The following LAMA2 variants were observed in gnomAD, a reference collection of about 807,000 sequenced individuals.
LAMA2 encodes the protein laminin subunit alpha-2.
LAMA2 carries 269 observed loss-of-function variants against 364.8 expected under a neutral mutation model. The ratio of observed to expected loss-of-function variants is 0.74; its 90% CI spans 0.67 to 0.82. The LOEUF (loss-of-function observed/expected upper bound fraction) is 0.82. LAMA2 is among the 40% of genes least tolerant of loss of function. LAMA2 has a pLI of 0.00. For synonymous variants in LAMA2, 1,379 were observed against 1,370.6 expected (o/e 1.01, Z -0.14); for missense variants, 3,807 against 3,873.2 (o/e 0.98, Z 0.45).
intron 61 of LAMA2, among the ~76,000 whole-genome samples, chr6:129,506,672 A>G (rs1456282058): frequency 1.3e-5 from 2 of 152,146 alleles, no homozygotes; most frequent in African/African-American, 2.4e-5. Flanking sequence ...AACACACTAG[A>G]TACAAATGTG....
intron 2 of LAMA2, among the ~76,000 whole-genome samples, chr6:129,056,455 CATG>C (rs1404997305): frequency 2.6e-5 from 4 of 152,066 alleles, no homozygotes; most frequent in Admixed American, 1.3e-4. Flanking sequence ...GGACTGCTAA[CATG>C]ATGATTTGGT....
chr6:129,383,328 A>G (rs1778802075), intron 35 of LAMA2, 95 bp downstream of exon 35: 1 of 966,842 alleles, frequency 1.0e-6, no homozygotes, highest in Non-Finnish European at 1.6e-6. Flanking sequence ...GTTATAAGTG[A>G]CATCTGTAAA....
intron 4 of LAMA2, among the ~76,000 whole-genome samples, chr6:129,133,671 G>A (rs772305954): frequency 6.6e-6 from 1 of 152,150 alleles, no homozygotes; most frequent in African/African-American, 2.4e-5. Context: ...ACTCCTGTAT[G>A]CATTAGTATG....
At chr6:129,249,773 C>A (rs1157127049) in intron 12 of LAMA2, among the ~76,000 whole-genome samples, 1 of 152,120 alleles carries the variant, frequency 6.6e-6, no homozygotes, top group African/African-American at 2.4e-5. Context: ...AAAGATCGTT[C>A]TCTGTTTGGG....
At chr6:128,950,728 A>G (rs928266836) in intron 1 of LAMA2, among the ~76,000 whole-genome samples, 2 of 152,114 alleles carry the variant, frequency 1.3e-5, no homozygotes. Flanking sequence ...TGAGGATTAT[A>G]TATACATGTA....
chr6:129,291,269 AC>A (rs1365783526), intron 19 of LAMA2, among the ~76,000 whole-genome samples: 2 of 152,184 alleles, frequency 1.3e-5, no homozygotes, highest in African/African-American at 4.8e-5. Context: ...TTCTGGACTC[AC>A]CTATATGACA....
chr6:128,929,179 G>A, intron 1 of LAMA2: 1 of 1,473,832 alleles, frequency 6.8e-7, no homozygotes, highest in Non-Finnish European at 9.5e-7. Context: ...AATGAATGGG[G>A]ATAGTTACAG....
At position 129,391,600 on chromosome 6, in the gene LAMA2, A is replaced by C. The variant is rs1779325827; in HGVS notation, c.5181A>C (p.Glu1727Asp). 3.1e-6 allele frequency: 5 copies of C among 1,613,968 alleles called. No individual in the cohort carries two copies. Among genetic ancestry groups the C allele is most frequent in the African/African-American group, 2.7e-5 (2 of 75,056 alleles). Residue 1727 changes from glutamate to aspartate, a missense_variant, in exon 36 of 65, where the codon GAA becomes GAC. This residue lies in a region of LAMA2 where 3,333 missense variants were observed against 3,345.7 expected (regional missense o/e 1.00). Coordinates refer to ENST00000421865, the MANE Select transcript of LAMA2 (RefSeq NM_000426.4). ...AAGAGATTGACCAGATGATTAAAGA[A>C]CTGAGGAGGAAAAATCTAGAGACAC... Reference protein sequence around the residue: ...LQKEIDQMIKELRRKNLETQK... With the variant: ...LQKEIDQMIKDLRRKNLETQK...
intron 32 of LAMA2, among the ~76,000 whole-genome samples, chr6:129,356,271 A>C (rs1777148347): frequency 6.6e-6 from 1 of 152,116 alleles, no homozygotes; most frequent in Non-Finnish European, 1.5e-5. Flanking sequence ...AGTGACCTAA[A>C]TTCAGCCCCA....
chr6:128,977,129 A>G (rs1782576749), intron 1 of LAMA2, among the ~76,000 whole-genome samples: 1 of 16,982 alleles, frequency 5.9e-5, no homozygotes, highest in Non-Finnish European at 1.6e-4. Flanking sequence ...ATCAATTTTC[A>G]GCCTCTCTTT....
chr6:128,905,055 A>G (rs190559005), intron 1 of LAMA2, among the ~76,000 whole-genome samples: 120 of 152,360 alleles, frequency 7.9e-4, no homozygotes, highest in South Asian at 1.4e-3. Flanking sequence ...GTTGACCAGT[A>G]CTTATATGAT....
intron 42 of LAMA2, 63 bp downstream of exon 42, chr6:129,438,825 C>T: frequency 1.2e-6 from 1 of 854,126 alleles, no homozygotes; most frequent in South Asian, 1.3e-5. Context: ...CTGTTGTTAA[C>T]TTTTACCATT....
At chr6:129,038,823 A>G (rs576747326) in intron 1 of LAMA2, among the ~76,000 whole-genome samples, 33 of 152,326 alleles carry the variant, frequency 2.2e-4, no homozygotes, top group African/African-American at 7.5e-4. Context: ...TTACTCAAGA[A>G]AAGAAATGGA....
chr6:129,492,133 A>G (rs1167827484), intron 57 of LAMA2, 56 bp downstream of exon 57: 1 of 1,524,752 alleles, frequency 6.6e-7, no homozygotes. Context: ...TCTTGCTATT[A>G]GGGGTCCCAA....
intron 12 of LAMA2, among the ~76,000 whole-genome samples, chr6:129,240,836 A>G (rs914036368): frequency 6.6e-6 from 1 of 152,240 alleles, no homozygotes; most frequent in African/African-American, 2.4e-5. Context: ...AGAAGCTGGG[A>G]AAAGTAATGC....
intron 4 of LAMA2, among the ~76,000 whole-genome samples, chr6:129,126,883 C>A (rs189460007): frequency 3.3e-5 from 5 of 152,120 alleles, no homozygotes; most frequent in African/African-American, 1.2e-4. Flanking sequence ...CCAGAATGGG[C>A]AACATGGTGA....
At chr6:128,940,387 C>G (rs541414864) in intron 1 of LAMA2, among the ~76,000 whole-genome samples, 5 of 152,190 alleles carry the variant, frequency 3.3e-5, no homozygotes, top group African/African-American at 1.2e-4. Flanking sequence ...ATGTCCCTTC[C>G]TTCTTTATTA....
At chr6:129,082,874 T>G (rs1175456723) in intron 3 of LAMA2, among the ~76,000 whole-genome samples, 2 of 152,170 alleles carry the variant, frequency 1.3e-5, no homozygotes, top group Non-Finnish European at 2.9e-5. Flanking sequence ...TTGAAACATT[T>G]GGTTTTTCCA....
chr6:129,275,736 AAAAG>A (rs1429468037), intron 17 of LAMA2, among the ~76,000 whole-genome samples: 4 of 151,696 alleles, frequency 2.6e-5, no homozygotes, highest in Non-Finnish European at 5.9e-5. Flanking sequence ...AAAAAAAAAA[AAAAG>A]GCAAAGTTTT....
Sources: gnomAD v4.1 joint callset for allele counts (sites outside exome capture counted in the v4.1 genomes callset) on GRCh38, gnomAD v4.1.1 for gene constraint, gnomAD v4.1.1 regional missense constraint, MANE v1.5 for transcripts, NCBI Gene and HGNC (gene_info 2026-07-23, HGNC 2026-07-21) for gene names.